EYS: variants seen among roughly 807,000 people sequenced by gnomAD.
EYS encodes the protein protein eyes shut homolog.
EYS carries 250 observed loss-of-function variants against 282.1 expected under a neutral mutation model. That is an observed-to-expected ratio of 0.89 (90% CI 0.80 to 0.98). The LOEUF is 0.98. Among genes scored for constraint, EYS ranks in the 50% least tolerant of loss-of-function variants. The probability of loss-of-function intolerance (pLI) is 0.00; values close to 1 mark genes in which losing one functional copy is unlikely to be tolerated. For synonymous variants in EYS, 1,355 were observed against 1,282.9 expected (o/e 1.06, Z -1.20); for missense variants, 4,016 against 3,709.0 (o/e 1.08, Z -2.15).
At position 65,230,800 on chromosome 6, in the gene EYS, C is replaced by T. The variant is rs374475159; in HGVS notation, c.2023+65063G>A. On this transcript the variant is annotated intron_variant, in intron 12 of 42. Coordinates refer to ENST00000503581, the MANE Select transcript of EYS (RefSeq NM_001142800.2). ...ATATGAGTAGAAATTTTAAAATTTG[C>T]AGTAGTAATATGCATGTCAAAGCTA... is the stretch of plus-strand genomic sequence containing the variant. 9.3e-5 allele frequency among the ~76,000 whole-genome samples: 14 copies of T among 151,232 alleles called. No individual in the cohort carries two copies. The East Asian group carries it at 2.5e-3, about 27-fold the overall frequency.
chr6:64,046,005 T>C (rs1162360447), intron 33 of EYS, among the ~76,000 whole-genome samples: 1 of 147,912 alleles, frequency 6.8e-6, no homozygotes, highest in Middle Eastern at 3.6e-3. Flanking sequence ...TTTGTATATG[T>C]AATCTATAAT....
intron 29 of EYS, among the ~76,000 whole-genome samples, chr6:64,346,860 T>C (rs1771423323): frequency 6.6e-6 from 1 of 151,368 alleles, no homozygotes; most frequent in Non-Finnish European, 1.5e-5. Flanking sequence ...AGGAAATTAA[T>C]GAAAAAACCT....
chr6:64,009,569 C>G (rs1205533320), intron 33 of EYS, among the ~76,000 whole-genome samples: 1 of 152,182 alleles, frequency 6.6e-6, no homozygotes, highest in East Asian at 1.9e-4. Context: ...CAAGCGCGAG[C>G]CACTTCTCCC....
intron 30 of EYS, among the ~76,000 whole-genome samples, chr6:64,267,609 A>C (rs1767805340): frequency 6.6e-6 from 1 of 152,134 alleles, no homozygotes; most frequent in Non-Finnish European, 1.5e-5. Context: ...AGACATTAAA[A>C]ATCTTGAAAC....
intron 36 of EYS, among the ~76,000 whole-genome samples, chr6:63,844,679 A>G (rs59674359): frequency 0.12 from 18,674 of 151,494 alleles, 1,403 homozygotes; most frequent in African/African-American, 0.2. Context: ...GTCTGTTCAT[A>G]TCCTTTGCAC....
chr6:65,533,102 G>A (rs1175791820), intron 2 of EYS, among the ~76,000 whole-genome samples: 1 of 151,560 alleles, frequency 6.6e-6, no homozygotes, highest in Non-Finnish European at 1.5e-5. Context: ...CTATTTGTGT[G>A]TAATTTATTG....
intron 5 of EYS, among the ~76,000 whole-genome samples, chr6:65,409,698 T>A (rs890700113): frequency 5.3e-4 from 81 of 152,132 alleles, no homozygotes; most frequent in Non-Finnish European, 7.5e-4. Flanking sequence ...ACATATTTAT[T>A]GAAAAATTTC....
At chr6:64,454,186 G>T (rs1582775088) in intron 26 of EYS, among the ~76,000 whole-genome samples, 1 of 152,032 alleles carries the variant, frequency 6.6e-6, no homozygotes, top group African/African-American at 2.4e-5. Flanking sequence ...CTGTCAGGCA[G>T]TGTTCTTCCA....
chr6:63,858,379 G>A (rs1003873728), intron 36 of EYS, among the ~76,000 whole-genome samples: 2 of 152,126 alleles, frequency 1.3e-5, no homozygotes, highest in African/African-American at 4.8e-5. Context: ...TATTTTTTAA[G>A]AACTGAAATG....
In EYS at chr6:65,191,660, CTG is replaced by C. The variant is rs796250185; in HGVS notation, c.2023+104201_2023+104202del. 9.2e-5 allele frequency among the ~76,000 whole-genome samples: 14 copies of C among 151,944 alleles called. No homozygotes were observed. The South Asian group carries it at 1.9e-3, about 20-fold the overall frequency. ...TCACAGCATTGGGAGAGAGAGAAAA[CTG>C]TGACTTGCCAAAAGAAAATCAGCTT... On this transcript the variant is annotated intron_variant, in intron 12 of 42. Transcript: ENST00000503581.
In EYS at chr6:64,978,298, T is replaced by C. The variant is rs189146810; in HGVS notation, c.2259+19284A>G. Among the ~76,000 whole-genome samples the C allele has an allele frequency of 6.0e-3, 917 of 152,028 alleles. 6 individuals are homozygous for C. Among genetic ancestry groups the C allele is most frequent in the Middle Eastern group, 0.031 (9 of 294 alleles). ...CTTAATAATTATGCTAGATCCAGTC[T>C]TCCTATGCTCTATAAATGGAAAAAC... On this transcript the variant is annotated intron_variant, in intron 14 of 42. Transcript: ENST00000503581.
At position 63,874,551 on chromosome 6, in the gene EYS, A is replaced by C. The variant is rs557882319; in HGVS notation, c.7056-10193T>G. 2.6e-5 allele frequency among the ~76,000 whole-genome samples: 4 copies of C among 152,140 alleles called. No individual in the cohort carries two copies. In the South Asian group the frequency reaches 8.3e-4, roughly 32 times the overall value. ...TGTGAAGAAAGTCATTGGTAGTTTG[A>C]TGGGGATGTCATTGAATCTATAGAT... On this transcript the variant is annotated intron_variant, in intron 35 of 42. Coordinates refer to ENST00000503581, the MANE Select transcript of EYS (RefSeq NM_001142800.2).
At chr6:65,524,054 T>C (rs992040386) in intron 2 of EYS, among the ~76,000 whole-genome samples, 1 of 152,174 alleles carries the variant, frequency 6.6e-6, no homozygotes, top group African/African-American at 2.4e-5. Context: ...GTATTTTTAG[T>C]AGAGACGGGG....
At position 65,295,882 on chromosome 6, in the gene EYS, C is replaced by G; in HGVS notation, c.2004G>C (p.Lys668Asn). ...STHLRGYFFR[K>N]CVPGFKGTQC... ...ACTTGCCTTTAAATCCTGGGACACACTTGCGGAAGAAATATCCCCTTAAAT... is the reference window on the plus strand; with the variant it reads ...ACTTGCCTTTAAATCCTGGGACACAGTTGCGGAAGAAATATCCCCTTAAAT... The change falls in exon 12 of 43, where the codon AAG becomes AAC. Residue 668 changes from lysine (K) to asparagine (N), a missense_variant. Physicochemically the swap from Lys to Asn is moderately conservative, Grantham distance 94. Coordinates refer to ENST00000503581, the MANE Select transcript of EYS (RefSeq NM_001142800.2). The G allele has an allele frequency of 1.9e-6, 3 of 1,547,792 alleles. No individual in the cohort carries two copies. Among genetic ancestry groups the G allele is most frequent in the Non-Finnish European group, 2.6e-6 (3 of 1,145,224 alleles).
At chr6:63,834,342 A>G (rs751693961) in intron 36 of EYS, among the ~76,000 whole-genome samples, 16 of 152,182 alleles carry the variant, frequency 1.1e-4, no homozygotes, top group Non-Finnish European at 1.6e-4. Flanking sequence ...AGAATCCACA[A>G]AGAGCTTTAA....
At chr6:63,724,903 G>T (rs1189303250) in intron 42 of EYS, among the ~76,000 whole-genome samples, 1 of 152,090 alleles carries the variant, frequency 6.6e-6, no homozygotes, top group Non-Finnish European at 1.5e-5. Context: ...GATCAACTAT[G>T]AAGACTTGGT....
intron 31 of EYS, among the ~76,000 whole-genome samples, chr6:64,136,141 T>C (rs1356798929): frequency 7.6e-6 from 1 of 131,298 alleles, no homozygotes; most frequent in Non-Finnish European, 1.7e-5. Context: ...AGATTCTTTC[T>C]AAAAAAAAAA....
At chr6:65,646,246 T>C (rs1490593054) in intron 1 of EYS, among the ~76,000 whole-genome samples, 2 of 151,958 alleles carry the variant, frequency 1.3e-5, no homozygotes, top group Non-Finnish European at 1.5e-5. Context: ...ACAAAAAAAC[T>C]GCAGACCAAT....
intron 22 of EYS, among the ~76,000 whole-genome samples, chr6:64,751,426 T>G (rs979936099): frequency 2.6e-5 from 4 of 152,086 alleles, no homozygotes; most frequent in African/African-American, 7.2e-5. Context: ...CGGGCACAAG[T>G]CTGGGTGTTG....
Sources: gnomAD v4.1 joint callset for allele counts (sites outside exome capture counted in the v4.1 genomes callset) on GRCh38, gnomAD v4.1.1 for gene constraint, MANE v1.5 for transcripts, NCBI Gene and HGNC (gene_info 2026-07-23, HGNC 2026-07-21) for gene names.